The following LSAMP variants were observed in gnomAD, a reference collection of about 807,000 sequenced individuals.
LSAMP encodes the protein limbic system-associated membrane protein.
In LSAMP, 7 loss-of-function variants were observed where a neutral mutation model predicts 38.6. The ratio of observed to expected loss-of-function variants is 0.18; its 90% CI spans 0.10 to 0.34. LSAMP has a LOEUF of 0.34. Ranked by LOEUF, LSAMP falls within the 10% of genes least tolerant of loss-of-function variation. The pLI is 1.00. For synonymous variants in LSAMP, 154 were observed against 166.8 expected, an observed-to-expected ratio of 0.92 and a Z score of 0.59; for missense variants, 313 against 420.0, an observed-to-expected ratio of 0.75 and a Z score of 2.23.
intron 1 of LSAMP, among the ~76,000 whole-genome samples, chr3:116,298,424 G>A (rs1360071787): frequency 6.6e-6 from 1 of 151,888 alleles, no homozygotes; most frequent in Non-Finnish European, 1.5e-5. Context: ...GTGTTCAGAA[G>A]GGGGAAAAAA....
chr3:115,985,906 C>G (rs891625193), intron 3 of LSAMP, among the ~76,000 whole-genome samples: 4 of 152,198 alleles, frequency 2.6e-5, no homozygotes, highest in Admixed American at 6.5e-5. Context: ...TCCTGGCTTT[C>G]CAGCCCACAG....
At chr3:116,209,267 G>T (rs1010782245) in intron 1 of LSAMP, among the ~76,000 whole-genome samples, 9 of 152,112 alleles carry the variant, frequency 5.9e-5, no homozygotes, top group African/African-American at 2.2e-4. Flanking sequence ...CTCGCGCACG[G>T]TGCGCGCACC....
intron 1 of LSAMP, among the ~76,000 whole-genome samples, chr3:116,133,630 G>A (rs994697976): frequency 9.9e-5 from 15 of 152,026 alleles, no homozygotes; most frequent in Admixed American, 4.6e-4. Flanking sequence ...TATTTAAATT[G>A]AGGAAATAAT....
intron 1 of LSAMP, among the ~76,000 whole-genome samples, chr3:116,168,693 C>T (rs777521317): frequency 1.3e-5 from 2 of 152,122 alleles, no homozygotes; most frequent in Non-Finnish European, 2.9e-5. Flanking sequence ...GCCTCAATGA[C>T]CCGAACATCT....
chr3:115,982,990 G>A (rs902201733), intron 3 of LSAMP, among the ~76,000 whole-genome samples: 44 of 148,884 alleles, frequency 3.0e-4, no homozygotes, highest in African/African-American at 1.1e-3. Flanking sequence ...TTGCCAGAGA[G>A]GTCAGTTGAG....
At chr3:116,181,988 AAACTT>A (rs1252616772) in intron 1 of LSAMP, among the ~76,000 whole-genome samples, 4 of 152,154 alleles carry the variant, frequency 2.6e-5, no homozygotes, top group South Asian at 4.1e-4. Flanking sequence ...TCATGGAAGA[AAACTT>A]AAAGACAAAA....
At chr3:115,831,511 C>G (rs1934610703) in intron 6 of LSAMP, among the ~76,000 whole-genome samples, 1 of 152,142 alleles carries the variant, frequency 6.6e-6, no homozygotes, top group African/African-American at 2.4e-5. Flanking sequence ...GAGAATGTCT[C>G]TGGGTGCACT....
At chr3:115,987,247 G>C (rs1295015632) in intron 3 of LSAMP, among the ~76,000 whole-genome samples, 1 of 152,134 alleles carries the variant, frequency 6.6e-6, no homozygotes, top group Non-Finnish European at 1.5e-5. Context: ...ATAAGAATGA[G>C]TTCTAGCCAG....
intron 1 of LSAMP, among the ~76,000 whole-genome samples, chr3:116,438,060 CAAA>C: frequency 7.9e-6 from 1 of 126,288 alleles, no homozygotes; most frequent in East Asian, 2.3e-4. Context: ...CAGGTAACTA[CAAA>C]AAAAAAAAAA....
intron 1 of LSAMP, among the ~76,000 whole-genome samples, chr3:116,334,430 C>T (rs2107745275): frequency 6.6e-6 from 1 of 152,194 alleles, no homozygotes; most frequent in South Asian, 2.1e-4. Context: ...CAGACAAAAA[C>T]ATTGCAAGGA....
chr3:116,393,611 C>T (rs972995266), intron 1 of LSAMP, among the ~76,000 whole-genome samples: 8 of 152,158 alleles, frequency 5.3e-5, no homozygotes, highest in African/African-American at 1.9e-4. Flanking sequence ...AACAAAAACT[C>T]AGGCAAAGAC....
At chr3:115,866,332 T>C (rs1448795219) in intron 3 of LSAMP, among the ~76,000 whole-genome samples, 1 of 152,162 alleles carries the variant, frequency 6.6e-6, no homozygotes, top group Non-Finnish European at 1.5e-5. Flanking sequence ...CTCCCAATTG[T>C]GGGTTACCCT....
chr3:116,110,899 T>G (rs1708595128), intron 1 of LSAMP, among the ~76,000 whole-genome samples: 1 of 151,096 alleles, frequency 6.6e-6, no homozygotes, highest in African/African-American at 2.4e-5. Context: ...CGGAAAAGAG[T>G]CAGCGAAGGG....
At position 116,249,249 on chromosome 3, in the gene LSAMP, A is replaced by G. The variant is rs115258812; in HGVS notation, c.156-162693T>C. On this transcript the variant is annotated intron_variant, in intron 1 of 6. Transcript: ENST00000490035. ...AAATGTGTCCAAAATAATATCCCCT[A>G]ATTTCAGAATTAACAGCACATGTGA... Among the ~76,000 whole-genome samples the G allele has an allele frequency of 7.8e-3, 1,187 of 152,072 alleles. 15 individuals carry two copies. Among genetic ancestry groups the G allele is most frequent in the African/African-American group, 0.027 (1,108 of 41,530 alleles).
rs985469595 is a variant in LSAMP, at chr3:116,367,639, G to C, written c.155+77238C>G. On this transcript the variant is annotated intron_variant, in intron 1 of 6. Coordinates refer to ENST00000490035, the MANE Select transcript of LSAMP (RefSeq NM_002338.5). ...CCTGCCTCAGGCTCCCGAGTAGCTGGGATTACAGGCATCGTCTGCCACCAC... is the reference window on the plus strand; with the variant it reads ...CCTGCCTCAGGCTCCCGAGTAGCTGCGATTACAGGCATCGTCTGCCACCAC... Among the ~76,000 whole-genome samples the C allele has an allele frequency of 2.0e-5, 3 of 151,584 alleles. No individual in the cohort carries two copies. In the South Asian group the frequency reaches 6.3e-4, roughly 32 times the overall value.
At chr3:116,392,151 G>T (rs1313082338) in intron 1 of LSAMP, among the ~76,000 whole-genome samples, 1 of 152,188 alleles carries the variant, frequency 6.6e-6, no homozygotes, top group African/African-American at 2.4e-5. Context: ...CATGGCCGGG[G>T]TACACATTCC....
chr3:116,380,908 T>A (rs2048550450), intron 1 of LSAMP, among the ~76,000 whole-genome samples: 1 of 152,066 alleles, frequency 6.6e-6, no homozygotes, highest in African/African-American at 2.4e-5. Context: ...TACTTATGAC[T>A]GATAGAATTA....
At chr3:116,304,394 C>A (rs1404278426) in intron 1 of LSAMP, among the ~76,000 whole-genome samples, 1 of 152,010 alleles carries the variant, frequency 6.6e-6, no homozygotes, top group Non-Finnish European at 1.5e-5. Context: ...TCAGACATGA[C>A]GAAGAAGCTG....
intron 1 of LSAMP, among the ~76,000 whole-genome samples, chr3:116,366,013 T>TAAAAAAAAAAA (rs67452614): frequency 7.3e-4 from 21 of 28,678 alleles, no homozygotes; most frequent in South Asian, 2.6e-3. Flanking sequence ...TAGAGTATAA[T>TAAAAAAAAAAA]AAAAAAAAAA....
Sources: gnomAD v4.1 joint callset for allele counts (sites outside exome capture counted in the v4.1 genomes callset) on GRCh38, gnomAD v4.1.1 for gene constraint, MANE v1.5 for transcripts, NCBI Gene and HGNC (gene_info 2026-07-23, HGNC 2026-07-21) for gene names.